STK32B: variants seen among roughly 807,000 people sequenced by gnomAD.
STK32B encodes the protein serine/threonine kinase 32B.
A neutral mutation model predicts 52.6 loss-of-function variants in STK32B; 43 were observed. The ratio of observed to expected loss-of-function variants is 0.82; its 90% CI spans 0.64 to 1.05. The LOEUF (loss-of-function observed/expected upper bound fraction) is 1.05, where lower values mean the gene tolerates loss of function less well. STK32B is among the 50% of genes least tolerant of loss of function. The probability of loss-of-function intolerance (pLI) is 0.00; values close to 1 mark genes in which losing one functional copy is unlikely to be tolerated. For synonymous variants in STK32B, 238 were observed against 204.3 expected, an observed-to-expected ratio of 1.17 and a Z score of -1.41; for missense variants, 621 against 534.6, an observed-to-expected ratio of 1.16 and a Z score of -1.59.
At chr4:5,277,040 A>G (rs566136168) in intron 3 of STK32B, among the ~76,000 whole-genome samples, 1 of 152,318 alleles carries the variant, frequency 6.6e-6, no homozygotes, top group Admixed American at 6.5e-5. Flanking sequence ...ATGAACTTTT[A>G]TCTTATGGAG....
chr4:5,316,846 A>G (rs1184435107), intron 3 of STK32B, among the ~76,000 whole-genome samples: 1 of 522 alleles, frequency 1.9e-3, no homozygotes, highest in African/African-American at 0.022. Context: ...TATTATATAT[A>G]ATATATTATA....
chr4:5,074,794 G>C (rs574139531), intron 1 of STK32B, among the ~76,000 whole-genome samples: 1 of 152,132 alleles, frequency 6.6e-6, no homozygotes, highest in African/African-American at 2.4e-5. Flanking sequence ...ATTCCACTAG[G>C]AAAATCAATA....
intron 1 of STK32B, among the ~76,000 whole-genome samples, chr4:5,101,168 C>G (rs1421112069): frequency 6.6e-6 from 1 of 152,218 alleles, no homozygotes; most frequent in Non-Finnish European, 1.5e-5. Flanking sequence ...CTCAGCCTCC[C>G]AAGTTGCTGG....
At chr4:5,288,567 C>T (rs886769773) in intron 3 of STK32B, among the ~76,000 whole-genome samples, 2 of 151,910 alleles carry the variant, frequency 1.3e-5, no homozygotes, top group African/African-American at 2.4e-5. Flanking sequence ...AATTGTTTGC[C>T]TATTTTTTAA....
intron 3 of STK32B, among the ~76,000 whole-genome samples, chr4:5,250,250 C>A (rs1337705118): frequency 6.6e-6 from 1 of 151,320 alleles, no homozygotes; most frequent in Admixed American, 6.6e-5. Context: ...AAATTATATT[C>A]CTTTGAGTAT....
chr4:5,429,444 C>T (rs28792500), intron 6 of STK32B, among the ~76,000 whole-genome samples: 21,975 of 151,414 alleles, frequency 0.15, 2,114 homozygotes, highest in East Asian at 0.41. Flanking sequence ...GTTTTTATAC[C>T]TCTTTAAAAA....
At chr4:5,080,701 A>G (rs1050944261) in intron 1 of STK32B, among the ~76,000 whole-genome samples, 1 of 152,178 alleles carries the variant, frequency 6.6e-6, no homozygotes, top group Admixed American at 6.5e-5. Context: ...ACAATGTGAT[A>G]TTTCAATATA....
At chr4:5,053,232 G>GA (rs1332897415) in intron 1 of STK32B, among the ~76,000 whole-genome samples, 1 of 152,206 alleles carries the variant, frequency 6.6e-6, no homozygotes, top group East Asian at 1.9e-4. Flanking sequence ...CGTCCATGGT[G>GA]ATAAGGGCAT....
chr4:5,316,074 A>C (rs969076118), intron 3 of STK32B, among the ~76,000 whole-genome samples: 2 of 139,726 alleles, frequency 1.4e-5, no homozygotes, highest in Admixed American at 8.0e-5. Flanking sequence ...GTTTTGATGG[A>C]GAATATATAT....
At chr4:5,089,721 T>C (rs879029834) in intron 1 of STK32B, among the ~76,000 whole-genome samples, 1 of 152,196 alleles carries the variant, frequency 6.6e-6, no homozygotes, top group Admixed American at 6.5e-5. Context: ...ATATACCTAG[T>C]AATGGGATTG....
At chr4:5,451,852 TG>T (rs1232616827) in intron 7 of STK32B, among the ~76,000 whole-genome samples, 2 of 152,180 alleles carry the variant, frequency 1.3e-5, no homozygotes, top group Admixed American at 6.5e-5. Flanking sequence ...GAGGACTAAG[TG>T]GGATCCTGCA....
intron 3 of STK32B, among the ~76,000 whole-genome samples, chr4:5,247,967 A>T (rs544055635): frequency 1.3e-5 from 2 of 152,030 alleles, no homozygotes; most frequent in Non-Finnish European, 2.9e-5. Context: ...TTTTACTCAT[A>T]TCAGCAAGTC....
chr4:5,227,920 A>C (rs570425624), intron 3 of STK32B, among the ~76,000 whole-genome samples: 1 of 152,302 alleles, frequency 6.6e-6, no homozygotes, highest in Non-Finnish European at 1.5e-5. Context: ...ATTTGTGCAA[A>C]GGAGCCAGCA....
the STK32B span, among the ~76,000 whole-genome samples, chr4:5,041,753 C>T: frequency 2.0e-5 from 3 of 151,818 alleles, no homozygotes; most frequent in South Asian, 6.2e-4. Flanking sequence ...AACAACAGAA[C>T]TGGATGTGCA....
chr4:5,081,528 G>C lies in STK32B; in HGVS notation c.52+29613G>C, dbSNP rs528850518. Among the ~76,000 whole-genome samples the C allele has an allele frequency of 2.0e-5, 3 of 152,066 alleles. No homozygotes were observed. The South Asian group carries it at 6.2e-4, about 32-fold the overall frequency. ...TAGTCCATCTATTATTTCTGTTGGT[G>C]CTTTCCAATACATTCTTTAGGCTTT... On this transcript the variant is annotated intron_variant, in intron 1 of 11. Coordinates refer to ENST00000282908, the MANE Select transcript of STK32B (RefSeq NM_018401.3).
At chr4:5,438,594 T>TTTTTTG (rs928802768) in intron 6 of STK32B, among the ~76,000 whole-genome samples, 15 of 152,052 alleles carry the variant, frequency 9.9e-5, no homozygotes, top group South Asian at 2.1e-4. Context: ...TGATTTGACT[T>TTTTTTG]TTTTTGTTTT....
intron 1 of STK32B, among the ~76,000 whole-genome samples, chr4:5,132,580 C>T (rs1212660791): frequency 6.6e-6 from 1 of 152,136 alleles, no homozygotes. Context: ...AGGAATGTGA[C>T]ACCTCTGGAA....
chr4:5,166,157 G>A (rs1370919688), intron 2 of STK32B, among the ~76,000 whole-genome samples: 1 of 152,102 alleles, frequency 6.6e-6, no homozygotes, highest in East Asian at 1.9e-4. Context: ...GTGACACCAG[G>A]AGAAAACCCC....
At chr4:5,257,732 C>T (rs1261129249) in intron 3 of STK32B, among the ~76,000 whole-genome samples, 2 of 152,336 alleles carry the variant, frequency 1.3e-5, no homozygotes, top group East Asian at 3.9e-4. Context: ...CACCTGAGGT[C>T]AGGAGTTTGA....
Sources: allele counts gnomAD v4.1 joint callset (sites outside exome capture counted in the v4.1 genomes callset), GRCh38; gene constraint gnomAD v4.1.1; transcripts MANE v1.5; gene names NCBI Gene and HGNC (gene_info 2026-07-23, HGNC 2026-07-21).